Variants in PDE11A observed in about 807,000 individuals in gnomAD.
The protein encoded by PDE11A is phosphodiesterase 11A, also known as dual 3',5'-cyclic-AMP and -GMP phosphodiesterase 11A.
A neutral mutation model predicts 100.5 loss-of-function variants in PDE11A; 100 were observed. The ratio of observed to expected loss-of-function variants is 1.00; its 90% CI spans 0.85 to 1.18. The LOEUF is 1.18. Among genes scored for constraint, PDE11A ranks in the 50% most tolerant of loss-of-function variants. The probability of loss-of-function intolerance (pLI) is 0.00; values close to 1 mark genes in which losing one functional copy is unlikely to be tolerated. For synonymous variants in PDE11A, 381 were observed against 420.8 expected (o/e 0.91, Z 1.16); for missense variants, 1,141 against 1,152.6 (o/e 0.99, Z 0.15).
At chr2:178,032,019 A>T (rs1047600477) in intron 1 of PDE11A, among the ~76,000 whole-genome samples, 67 of 152,106 alleles carry the variant, frequency 4.4e-4, no homozygotes, top group Non-Finnish European at 7.9e-4. Flanking sequence ...CTAGTAAAAA[A>T]CCCATGCACA....
At chr2:177,643,053 C>G (rs2080167819) in intron 19 of PDE11A, among the ~76,000 whole-genome samples, 1 of 152,206 alleles carries the variant, frequency 6.6e-6, no homozygotes, top group Admixed American at 6.5e-5. Flanking sequence ...CCTTAAACCT[C>G]TCTTTCTTTT....
chr2:177,979,614 T>TTTTTTTTTC (rs2085855265), intron 2 of PDE11A, among the ~76,000 whole-genome samples: 1 of 135,518 alleles, frequency 7.4e-6, no homozygotes, highest in African/African-American at 2.8e-5. Flanking sequence ...AGATGATCTT[T>TTTTTTTTTC]TTTTTTTTTT....
intron 4 of PDE11A, among the ~76,000 whole-genome samples, chr2:177,892,098 T>C (rs939115688): frequency 1.3e-5 from 2 of 152,214 alleles, no homozygotes; most frequent in African/African-American, 2.4e-5. Flanking sequence ...AACCTTGAAA[T>C]TGTATCTTAA....
At chr2:178,034,233 C>T (rs556730324) in intron 1 of PDE11A, among the ~76,000 whole-genome samples, 2 of 152,022 alleles carry the variant, frequency 1.3e-5, no homozygotes, top group Admixed American at 1.3e-4. Flanking sequence ...AAAAAGAAAG[C>T]AGGGGTTGCA....
At chr2:177,795,935 C>CTATATATATATATATATATATATATATA (rs55861102) in intron 9 of PDE11A, among the ~76,000 whole-genome samples, 2 of 67,244 alleles carry the variant, frequency 3.0e-5, no homozygotes, top group Non-Finnish European at 7.2e-5. Context: ...TTTGTTTAAA[C>CTATATATATATATATATATATATATATA]TATATATATA....
chr2:177,803,634 G>A (rs2105557100), intron 9 of PDE11A, among the ~76,000 whole-genome samples: 2 of 151,990 alleles, frequency 1.3e-5, no homozygotes, highest in Admixed American at 1.3e-4. Context: ...TCAGGGATGT[G>A]AGAATAGTTC....
intron 2 of PDE11A, among the ~76,000 whole-genome samples, chr2:177,916,847 C>T (rs2084960300): frequency 6.6e-6 from 1 of 151,770 alleles, no homozygotes; most frequent in Admixed American, 6.6e-5. Flanking sequence ...GCAAGCTCCG[C>T]CTCCCGGGTC....
intron 17 of PDE11A, among the ~76,000 whole-genome samples, chr2:177,673,322 G>A (rs1347955404): frequency 6.6e-6 from 1 of 152,146 alleles, no homozygotes; most frequent in Non-Finnish European, 1.5e-5. Context: ...AAGGGTGATG[G>A]GAAAGGAATA....
rs1574094826 is a variant in PDE11A, at chr2:177,647,593, A to G, written c.2646+16273T>C. 6.6e-5 allele frequency among the ~76,000 whole-genome samples: 10 copies of G among 152,220 alleles called. No individual in the cohort carries two copies. The South Asian group carries it at 1.9e-3, about 28-fold the overall frequency. On this transcript the variant is annotated intron_variant, in intron 19 of 19. Transcript: ENST00000286063. ...ATGACTACTGAGCATTTCTTGCAAG[A>G]GTTTAAAGGTGGCTTCCTGCCTAGC...
chr2:178,030,260 G>A (rs2086528548), intron 1 of PDE11A, among the ~76,000 whole-genome samples: 1 of 152,080 alleles, frequency 6.6e-6, no homozygotes, highest in African/African-American at 2.4e-5. Context: ...ATGGTGTTAT[G>A]AACAACTTTG....
intron 12 of PDE11A, 52 bp downstream of exon 12, chr2:177,727,606 G>A (rs2081617529): frequency 1.9e-6 from 2 of 1,047,984 alleles, no homozygotes; most frequent in Non-Finnish European, 3.0e-6. Flanking sequence ...GAGAAGGCCT[G>A]CCAGTTCCTA....
chr2:177,660,111 C>A (rs1233618535), intron 19 of PDE11A, among the ~76,000 whole-genome samples: 2 of 94,136 alleles, frequency 2.1e-5, no homozygotes, highest in Non-Finnish European at 4.4e-5. Context: ...CTCTCTCTCT[C>A]TTTCTTTCTT....
Position 177,769,333 on chromosome 2 carries a change from TC to T in PDE11A, c.1777del (p.Asp593ThrfsTer31). 1 of 1,597,736 alleles carries T rather than the reference TC, an allele frequency of 6.3e-7. No individual in the cohort carries two copies. The highest frequency in any genetic ancestry group is 8.6e-7 in the Non-Finnish European group (1 of 1,165,140). The stretch of plus-strand genomic sequence containing the variant: ...CATTTTCTTCCTTACCTTAAACTTG[TC>T]AACTTCAGCTTTTGAACATGTTGCA... ...YHATCSKAEV[D>X]KFKAANIPLV... On this transcript the variant is annotated frameshift_variant, in exon 10 of 20. Coordinates refer to ENST00000286063, the MANE Select transcript of PDE11A (RefSeq NM_016953.4). LOFTEE classifies it high-confidence loss of function.
At chr2:177,880,886 C>T (rs190902759) in intron 4 of PDE11A, among the ~76,000 whole-genome samples, 2 of 152,252 alleles carry the variant, frequency 1.3e-5, no homozygotes, top group Admixed American at 1.3e-4. Flanking sequence ...TAAATAAGGT[C>T]TCTAACCTTT....
chr2:177,856,807 A>G (rs1218112947), intron 5 of PDE11A, among the ~76,000 whole-genome samples: 2 of 152,056 alleles, frequency 1.3e-5, no homozygotes, highest in East Asian at 3.8e-4. Context: ...AACATGTGGG[A>G]TACCATCAAG....
At position 177,728,058 on chromosome 2, in the gene PDE11A, C is replaced by T; in HGVS notation, c.1903G>A (p.Gly635Arg). The change falls in exon 11 of 20, where the codon GGG becomes AGG. Residue 635 changes from glycine to arginine, a missense_variant. Gly to Arg is a moderately radical substitution (Grantham distance 125). Coordinates refer to ENST00000286063, the MANE Select transcript of PDE11A (RefSeq NM_016953.4). ...TCAATTTTAAATTTCTGTACCATCC[C>T]CAGCTCCATGAACATCCGGAGAGCA... ...TAALRMFMELGMVQKFKIDYE... is the reference protein window; with the variant it reads ...TAALRMFMELRMVQKFKIDYE... 6.2e-7 allele frequency: 1 copy of T among 1,613,392 alleles called. No individual in the cohort carries two copies. The highest frequency in any genetic ancestry group is 8.5e-7 in the Non-Finnish European group (1 of 1,179,514).
intron 4 of PDE11A, among the ~76,000 whole-genome samples, chr2:177,889,903 C>A (rs1196932006): frequency 6.6e-6 from 1 of 151,974 alleles, no homozygotes; most frequent in Non-Finnish European, 1.5e-5. Flanking sequence ...CTTTTGTTTT[C>A]ACATCCCTTC....
chr2:177,860,119 G>A (rs2083920071), intron 5 of PDE11A, among the ~76,000 whole-genome samples: 1 of 151,404 alleles, frequency 6.6e-6, no homozygotes. Flanking sequence ...AGACTAGAGG[G>A]AGAATAAACA....
intron 1 of PDE11A, among the ~76,000 whole-genome samples, chr2:178,065,289 G>C (rs775427449): frequency 2.0e-5 from 3 of 152,310 alleles, no homozygotes; most frequent in Non-Finnish European, 4.4e-5. Flanking sequence ...AGAAAAGTTT[G>C]TATGACTCTT....
Sources: allele counts gnomAD v4.1 joint callset (sites outside exome capture counted in the v4.1 genomes callset), GRCh38; gene constraint gnomAD v4.1.1; transcripts MANE v1.5; gene names NCBI Gene and HGNC (gene_info 2026-07-23, HGNC 2026-07-21).